Variants in KCNIP4 observed in about 807,000 individuals in gnomAD.
The protein encoded by KCNIP4 is Kv channel-interacting protein 4.
Under a neutral mutation model 34.0 loss-of-function variants are expected in KCNIP4, and 12 were observed. That is an observed-to-expected ratio of 0.35 (90% CI 0.23 to 0.57). The LOEUF (loss-of-function observed/expected upper bound fraction) is 0.57. Ranked by LOEUF, KCNIP4 falls within the 20% of genes least tolerant of loss-of-function variation. KCNIP4 has a pLI of 0.83. For missense variants in KCNIP4, 238 were observed against 311.7 expected (o/e 0.76, Z 1.78); for synonymous variants, 124 against 102.2 (o/e 1.21, Z -1.29).
chr4:21,091,477 G>T (rs1746990731), intron 1 of KCNIP4, among the ~76,000 whole-genome samples: 1 of 152,146 alleles, frequency 6.6e-6, no homozygotes, highest in Non-Finnish European at 1.5e-5. Context: ...CTTGAATTCT[G>T]GTTTCTCATT....
chr4:21,787,620 A>C (rs1224374427), intron 1 of KCNIP4, among the ~76,000 whole-genome samples: 1 of 152,242 alleles, frequency 6.6e-6, no homozygotes, highest in Admixed American at 6.5e-5. Context: ...TGGCAGAGCC[A>C]AGATTTGTTC....
At chr4:21,929,636 G>T (rs1406563217) in intron 1 of KCNIP4, among the ~76,000 whole-genome samples, 1 of 152,084 alleles carries the variant, frequency 6.6e-6, no homozygotes, top group Admixed American at 6.6e-5. Context: ...TTACTCCCAA[G>T]AACTGCTCAG....
chr4:21,226,248 A>AGGGG (rs1758378271), intron 1 of KCNIP4, among the ~76,000 whole-genome samples: 2 of 24,530 alleles, frequency 8.2e-5, no homozygotes, highest in African/African-American at 9.8e-4. Flanking sequence ...GGAGGGGGGG[A>AGGGG]GGGAGGGAGG....
At chr4:20,847,625 A>AT (rs1354879433) in intron 3 of KCNIP4, among the ~76,000 whole-genome samples, 1 of 152,132 alleles carries the variant, frequency 6.6e-6, no homozygotes, top group African/African-American at 2.4e-5. Flanking sequence ...GGGAGGAGAT[A>AT]TTTCTCTCAC....
At chr4:21,106,856 C>G (rs1410619710) in intron 1 of KCNIP4, among the ~76,000 whole-genome samples, 1 of 151,466 alleles carries the variant, frequency 6.6e-6, no homozygotes, top group Non-Finnish European at 1.5e-5. Context: ...TCGTTATGTA[C>G]CCAGTAGTCA....
At chr4:21,914,292 A>T (rs186153481) in intron 1 of KCNIP4, among the ~76,000 whole-genome samples, 277 of 152,216 alleles carry the variant, frequency 1.8e-3, no homozygotes, top group Non-Finnish European at 3.4e-3. Flanking sequence ...AAGTATGTAG[A>T]ATGGACAGAA....
intron 1 of KCNIP4, among the ~76,000 whole-genome samples, chr4:21,155,163 C>T (rs937290158): frequency 2.6e-5 from 4 of 152,166 alleles, no homozygotes; most frequent in Admixed American, 2.0e-4. Flanking sequence ...CTCATGACAG[C>T]AGAGCTGGCA....
At chr4:21,716,291 C>T (rs1225391402) in intron 1 of KCNIP4, among the ~76,000 whole-genome samples, 4 of 152,008 alleles carry the variant, frequency 2.6e-5, no homozygotes, top group Admixed American at 6.6e-5. Flanking sequence ...GGCTGGAGTG[C>T]AATGGCGTGA....
chr4:21,856,216 C>T (rs181922308), intron 1 of KCNIP4, among the ~76,000 whole-genome samples: 1 of 152,212 alleles, frequency 6.6e-6, no homozygotes, highest in East Asian at 1.9e-4. Context: ...TCCTGGAGAC[C>T]GTGTGGACTC....
chr4:20,854,810 A>T (rs1421406991), intron 2 of KCNIP4, among the ~76,000 whole-genome samples: 1 of 152,174 alleles, frequency 6.6e-6, no homozygotes, highest in Non-Finnish European at 1.5e-5. Flanking sequence ...GGCCTAGAGG[A>T]TATTCTATTT....
chr4:20,864,922 C>T (rs1722717567), intron 2 of KCNIP4, among the ~76,000 whole-genome samples: 2 of 151,968 alleles, frequency 1.3e-5, no homozygotes, highest in Non-Finnish European at 2.9e-5. Flanking sequence ...CCTTACTGTA[C>T]CCACAGTTTT....
At chr4:20,987,589 T>C (rs1224059395) in intron 1 of KCNIP4, among the ~76,000 whole-genome samples, 1 of 152,164 alleles carries the variant, frequency 6.6e-6, no homozygotes, top group Non-Finnish European at 1.5e-5. Context: ...TTAATTAATT[T>C]TCACAAAATT....
At chr4:21,773,623 G>A (rs1718954552) in intron 1 of KCNIP4, among the ~76,000 whole-genome samples, 1 of 152,070 alleles carries the variant, frequency 6.6e-6, no homozygotes. Flanking sequence ...TATATATTTA[G>A]AATAGTTAGG....
chr4:20,730,362 C>T (rs1315809250), intron 8 of KCNIP4, among the ~76,000 whole-genome samples: 1 of 152,100 alleles, frequency 6.6e-6, no homozygotes, highest in Non-Finnish European at 1.5e-5. Context: ...GGCATTAAAC[C>T]ACTTTATTTA....
At chr4:21,179,755 A>C (rs1754707485) in intron 1 of KCNIP4, among the ~76,000 whole-genome samples, 1 of 152,110 alleles carries the variant, frequency 6.6e-6, no homozygotes, top group African/African-American at 2.4e-5. Context: ...AAAAAAACTT[A>C]TTTTCTTTCT....
chr4:20,928,076 T>C (rs1407109524), intron 1 of KCNIP4, among the ~76,000 whole-genome samples: 1 of 152,062 alleles, frequency 6.6e-6, no homozygotes, highest in Non-Finnish European at 1.5e-5. Context: ...AAAGAACAAT[T>C]AGAGGCATAA....
At chr4:21,906,539 A>G (rs1728012568) in intron 1 of KCNIP4, among the ~76,000 whole-genome samples, 1 of 152,068 alleles carries the variant, frequency 6.6e-6, no homozygotes, top group African/African-American at 2.4e-5. Flanking sequence ...TGGCACCTTG[A>G]TTTTGGACTT....
At chr4:21,612,149 T>A (rs980097837) in intron 1 of KCNIP4, among the ~76,000 whole-genome samples, 2 of 151,820 alleles carry the variant, frequency 1.3e-5, no homozygotes, top group African/African-American at 4.8e-5. Flanking sequence ...AAAAGATTGA[T>A]TTTTTTTAAA....
chr4:21,213,117 T>C (rs1757340166), intron 1 of KCNIP4, among the ~76,000 whole-genome samples: 1 of 151,968 alleles, frequency 6.6e-6, no homozygotes, highest in South Asian at 2.1e-4. Flanking sequence ...CCGGACGAGG[T>C]GCATGCTGTT....
Sources: gnomAD v4.1 joint callset for allele counts (sites outside exome capture counted in the v4.1 genomes callset) on GRCh38, gnomAD v4.1.1 for gene constraint, MANE v1.5 for transcripts, NCBI Gene and HGNC (gene_info 2026-07-23, HGNC 2026-07-21) for gene names.